Variants in CBR4 observed in about 807,000 individuals in gnomAD.
CBR4 encodes the protein carbonyl reductase 4.
A neutral mutation model predicts 21.0 loss-of-function variants in CBR4; 22 were observed. The ratio of observed to expected loss-of-function variants is 1.05; its 90% confidence interval spans 0.75 to 1.50. The LOEUF is 1.50. CBR4 is among the 40% of genes most tolerant of loss of function. The probability of loss-of-function intolerance (pLI) is 0.00; values close to 1 mark genes in which losing one functional copy is unlikely to be tolerated. For missense variants in CBR4, 302 were observed against 286.3 expected, an observed-to-expected ratio of 1.05 and a Z score of -0.40; for synonymous variants, 100 against 104.4, an observed-to-expected ratio of 0.96 and a Z score of 0.26.
intron 2 of CBR4, among the ~76,000 whole-genome samples, chr4:168,913,452 A>T (rs1170784793): frequency 1.3e-5 from 2 of 152,072 alleles, no homozygotes; most frequent in South Asian, 4.2e-4. Flanking sequence ...CTAACATTTA[A>T]TTAGTATATT....
chr4:168,905,031 G>A (rs1356105911), intron 2 of CBR4, among the ~76,000 whole-genome samples: 2 of 151,786 alleles, frequency 1.3e-5, no homozygotes, highest in Non-Finnish European at 2.9e-5. Context: ...GGAGGTTGAA[G>A]CATGAGAATC....
intron 2 of CBR4, chr4:168,927,420 A>G (rs539964745): frequency 4.7e-5 from 11 of 232,726 alleles, no homozygotes; most frequent in Admixed American, 2.2e-4. Context: ...CATGCTGTGG[A>G]GATTGCAGTG....
At chr4:168,948,085 T>C (rs545216298) in intron 2 of CBR4, among the ~76,000 whole-genome samples, 208 of 152,284 alleles carry the variant, frequency 1.4e-3, no homozygotes, top group Non-Finnish European at 2.4e-3. Context: ...AGGAGTAAGG[T>C]GGTATCACAC....
intron 2 of CBR4, among the ~76,000 whole-genome samples, chr4:168,903,502 T>G (rs1756989027): frequency 6.6e-6 from 1 of 152,116 alleles, no homozygotes; most frequent in African/African-American, 2.4e-5. Flanking sequence ...TCCCTTCATA[T>G]AAATAATATA....
At chr4:168,902,942 T>C (rs894642887) in intron 2 of CBR4, among the ~76,000 whole-genome samples, 1 of 152,006 alleles carries the variant, frequency 6.6e-6, no homozygotes, top group Non-Finnish European at 1.5e-5. Flanking sequence ...CAGATAATTT[T>C]TTTATTTTTT....
intron 2 of CBR4, among the ~76,000 whole-genome samples, chr4:168,899,688 G>A (rs957580967): frequency 6.6e-6 from 1 of 152,110 alleles, no homozygotes; most frequent in African/African-American, 2.4e-5. Context: ...AGGCCGAGAT[G>A]GGTGGATCAC....
rs1351963891 is a variant in CBR4, at chr4:168,915,935, C to A, written n.170-21170G>T. The A allele has an allele frequency of 6.2e-7, 1 of 1,613,100 alleles. No homozygotes were observed. The highest frequency in any genetic ancestry group is 1.7e-5 in the Admixed American group (1 of 60,028). ...AAGGGACAGTGGAGACGAAAATGAA[C>A]CAATTCAGGAGCGATTCTTCAGACC... is the stretch of plus-strand genomic sequence containing the variant. On this transcript the variant is annotated intron_variant and non_coding_transcript_variant, in intron 2 of 3. Coordinates refer to the CBR4 transcript ENST00000509108.
chr4:168,932,975 A>C (rs1340487605), intron 2 of CBR4, among the ~76,000 whole-genome samples: 1 of 152,160 alleles, frequency 6.6e-6, no homozygotes, highest in Non-Finnish European at 1.5e-5. Flanking sequence ...CACCACCATG[A>C]TGAAAACAAA....
chr4:168,969,394 T>C (rs1211241238), intron 2 of CBR4, among the ~76,000 whole-genome samples: 2 of 152,130 alleles, frequency 1.3e-5, no homozygotes, highest in Non-Finnish European at 2.9e-5. Flanking sequence ...CCTGTGAATT[T>C]TACGTGACAT....
At chr4:168,925,718 AAGAATTTATTTC>A (rs1228690676) in intron 2 of CBR4, among the ~76,000 whole-genome samples, 1 of 152,238 alleles carries the variant, frequency 6.6e-6, no homozygotes. Flanking sequence ...GAATTTATTT[AAGAATTTATTTC>A]AGATTTTGCC....
chr4:168,994,253 GC>G (rs1765070622), intron 4 of CBR4, among the ~76,000 whole-genome samples: 1 of 152,258 alleles, frequency 6.6e-6, no homozygotes, highest in African/African-American at 2.4e-5. Context: ...GCAGGAGCAA[GC>G]CCTTAAGGCA....
intron 2 of CBR4, among the ~76,000 whole-genome samples, chr4:168,943,597 C>T (rs1763321020): frequency 6.6e-6 from 1 of 152,136 alleles, no homozygotes; most frequent in African/African-American, 2.4e-5. Flanking sequence ...AGAAGTTGAA[C>T]ATGTGAATGG....
intron 2 of CBR4, among the ~76,000 whole-genome samples, chr4:168,980,474 G>A (rs546876695): frequency 2.0e-5 from 3 of 152,238 alleles, no homozygotes; most frequent in East Asian, 3.9e-4. Flanking sequence ...GGTGGCTCAC[G>A]CCTGTAATCC....
In CBR4 at chr4:169,007,702, G is replaced by A. The variant is rs761009020; in HGVS notation, c.197C>T (p.Thr66Ile). 9 of 1,589,988 alleles carry A rather than the reference G, an allele frequency of 5.7e-6. No individual in the cohort carries two copies. Among genetic ancestry groups the A allele is most frequent in the Admixed American group, 1.7e-5 (1 of 57,150 alleles). The change falls in exon 2 of 5, where the codon ACA becomes ATA. Residue 66 changes from threonine to isoleucine, a missense_variant. By Grantham distance (89) the Thr-to-Ile change is moderately conservative. Coordinates refer to ENST00000306193, the MANE Select transcript of CBR4 (RefSeq NM_032783.5). ...DVAKEHDVQNTFEELEKHLGR... is the reference protein window; with the variant it reads ...DVAKEHDVQNIFEELEKHLGR... Reference sequence around the variant, plus strand: ...TAAATGTTTCTCCAGCTCTTCAAATGTATTTTGAACATCATGTTCTTTAGC... The same window carrying A: ...TAAATGTTTCTCCAGCTCTTCAAATATATTTTGAACATCATGTTCTTTAGC...
chr4:168,919,816 T>C (rs4364224), intron 2 of CBR4, among the ~76,000 whole-genome samples: 75,293 of 152,046 alleles, frequency 0.5, 22,216 homozygotes, highest in East Asian at 0.88. Flanking sequence ...TCTAGTTACA[T>C]TGTGACCTGC....
intron 2 of CBR4, among the ~76,000 whole-genome samples, chr4:168,934,273 C>CAAAAAAAAAAAAAAAAA (rs1206272373): frequency 1.9e-4 from 2 of 10,670 alleles, no homozygotes; most frequent in Non-Finnish European, 3.9e-4. Context: ...ACTAGAAAAG[C>CAAAAAAAAAAAAAAAAA]AAAAAAAACA....
chr4:168,896,987 A>G (rs1351852423), intron 2 of CBR4, among the ~76,000 whole-genome samples: 1 of 152,116 alleles, frequency 6.6e-6, no homozygotes, highest in East Asian at 1.9e-4. Flanking sequence ...GCATGCCAAC[A>G]TGCCTGGCTA....
Position 169,007,796 on chromosome 4 carries a change from ATT to A in CBR4, c.143-42_143-41del, listed in dbSNP as rs779454562. On this transcript the variant is annotated intron_variant, in intron 1 of 4. Transcript: ENST00000306193. ...TAAATAAGAATTACTTATAACTCAA[ATT>A]TTAAATTTACTCAATACACATTTGT... 3 of 1,461,236 alleles carry A rather than the reference ATT, an allele frequency of 2.1e-6. No individual in the cohort carries two copies. In the South Asian group the frequency reaches 3.8e-5, roughly 18 times the overall value. 90.5% of individuals were successfully genotyped at this position (1,461,236 alleles called of 1,614,324 possible).
At chr4:168,936,177 T>G (rs1038778533) in intron 2 of CBR4, among the ~76,000 whole-genome samples, 1 of 152,202 alleles carries the variant, frequency 6.6e-6, no homozygotes, top group African/African-American at 2.4e-5. Context: ...CCAGCAGACC[T>G]GCAGTAGAGG....
Sources: allele counts gnomAD v4.1 joint callset (sites outside exome capture counted in the v4.1 genomes callset), GRCh38; gene constraint gnomAD v4.1.1; transcripts MANE v1.5; gene names NCBI Gene and HGNC (gene_info 2026-07-23, HGNC 2026-07-21).